Variants in AMZ1 observed in about 807,000 individuals in gnomAD.
AMZ1 encodes the protein archaelysin family metallopeptidase 1, also known as archaemetzincin-1.
Under a neutral mutation model 29.9 loss-of-function variants are expected in AMZ1, and 39 were observed. The observed-to-expected ratio is 1.30, with a 90% CI of 1.01 to 1.70. The LOEUF (loss-of-function observed/expected upper bound fraction) is 1.70. Ranked by LOEUF, AMZ1 falls within the 40% of genes most tolerant of loss-of-function variation. The pLI, the probability that AMZ1 is intolerant of heterozygous loss-of-function variation, is 0.00. For missense variants in AMZ1, 1,041 were observed against 680.6 expected, an observed-to-expected ratio of 1.53 and a Z score of -5.89; for synonymous variants, 458 against 304.0, an observed-to-expected ratio of 1.51 and a Z score of -5.27.
At chr7:2,762,911 G>A (rs1048272620), upstream of AMZ1, 10 of 1,415,768 alleles carry the variant, frequency 7.1e-6, no homozygotes, top group Admixed American at 9.3e-5. Flanking sequence ...GGGGAGAAGA[G>A]GCCACAGGCG....
intron 4 of AMZ1, among the ~76,000 whole-genome samples, chr7:2,755,331 G>T (rs1002897199): frequency 1.3e-5 from 2 of 152,214 alleles, no homozygotes; most frequent in African/African-American, 4.8e-5. Flanking sequence ...TGTCAAATCT[G>T]TGTATCAATC....
intron 1 of AMZ1, among the ~76,000 whole-genome samples, chr7:2,695,060 GT>G (rs1787626251): frequency 6.6e-6 from 1 of 152,166 alleles, no homozygotes; most frequent in Admixed American, 6.6e-5. Flanking sequence ...ACCACTGATC[GT>G]GCATCTCAGC....
rs1241009991 is a variant in AMZ1, at chr7:2,709,734, T to G, written c.866T>G (p.Leu289Arg). 3.1e-6 allele frequency: 5 copies of G among 1,611,448 alleles called. 1 individual carries two copies. In the Middle Eastern group the frequency reaches 6.2e-4, roughly 199 times the overall value. Residue 289 changes from leucine (L) to arginine (R), a missense_variant, in exon 6 of 7, where the codon CTG (leucine) becomes CGG (arginine). Physicochemically the swap from Leu to Arg is moderately radical, Grantham distance 102. Transcript: ENST00000683327. ...GGTGCGCTCAGCCTGGACGAGGCCC[T>G]GCGGCGGCCCCTGGACCTCTGTCCC... Reference protein sequence around the residue: ...MQGALSLDEALRRPLDLCPIC... With the variant: ...MQGALSLDEARRRPLDLCPIC...
At chr7:2,725,488 C>T (rs1789580774) in intron 4 of AMZ1, among the ~76,000 whole-genome samples, 1 of 152,208 alleles carries the variant, frequency 6.6e-6, no homozygotes, top group African/African-American at 2.4e-5. Context: ...CCGCAAATAA[C>T]CTGCCTCCAA....
In AMZ1 at chr7:2,702,568, A is replaced by G. The variant is rs944283543; in HGVS notation, c.305-154A>G. ...CCCTTTTGAAAAAGTCATGCTTTCC[A>G]TCCCTTTTCTAAGCCTGACGCTCTG... On this transcript the variant is annotated intron_variant, in intron 2 of 6. Coordinates refer to ENST00000683327, the MANE Select transcript of AMZ1 (RefSeq NM_001384743.1). 4.9e-6 allele frequency: 4 copies of G among 820,738 alleles called. No individual in the cohort carries two copies. In the Admixed American group the frequency reaches 1.2e-4, roughly 25 times the overall value. The allele number at this position is 820,738 out of a possible 1,614,324, so 50.8% of individuals were successfully genotyped here.
chr7:2,737,273 TG>T (rs370284768), intron 4 of AMZ1, among the ~76,000 whole-genome samples: 5,943 of 85,632 alleles, frequency 0.069, 403 homozygotes, highest in African/African-American at 0.14. Context: ...AGTTTTGTTT[TG>T]TTTTTTTTTT....
chr7:2,708,732 A>T lies in AMZ1; in HGVS notation c.601+16A>T, dbSNP rs1187022504. 1.2e-6 allele frequency: 2 copies of T among 1,611,890 alleles called. No individual in the cohort carries two copies. Among genetic ancestry groups the T allele is most frequent in the Non-Finnish European group, 1.7e-6 (2 of 1,179,954 alleles). ...CCAGGGCACGGTGAGCCGGGGCCCC[A>T]GCAGCTGTGCGTGGGGGGTAGCCTG... On this transcript the variant is annotated intron_variant, in intron 4 of 6. Transcript: ENST00000683327.
intron 4 of AMZ1, among the ~76,000 whole-genome samples, chr7:2,753,144 C>T (rs184701431): frequency 1.3e-5 from 2 of 150,462 alleles, no homozygotes; most frequent in Admixed American, 6.7e-5. Context: ...TGAAACCATA[C>T]AGCATGCGGC....
intron 1 of AMZ1, among the ~76,000 whole-genome samples, chr7:2,699,594 A>G (rs940273484): frequency 6.6e-6 from 1 of 150,720 alleles, no homozygotes; most frequent in Admixed American, 6.6e-5. Flanking sequence ...TGTAATTGGG[A>G]TGAAGAGCTG....
At position 2,731,243 on chromosome 7, in the gene AMZ1, C is replaced by A; in HGVS notation, n.550+21427C>A. The A allele has an allele frequency of 6.2e-7, 1 of 1,613,652 alleles. No homozygotes were observed. Among genetic ancestry groups the A allele is most frequent in the Non-Finnish European group, 8.5e-7 (1 of 1,179,890 alleles). On this transcript the variant is annotated intron_variant and non_coding_transcript_variant, in intron 4 of 4. Transcript: ENST00000489665. This position sits in a 1 kb window ranked among gnomAD's most constrained non-coding sequence, Gnocchi z 6.0. ...ATGGTGTCTTTCACAGCATGGAACA[C>A]GAAGCGGACGTTCTCGGTGTCGATG...
At chr7:2,738,262 A>G (rs758619842) in intron 4 of AMZ1, among the ~76,000 whole-genome samples, 2 of 151,188 alleles carry the variant, frequency 1.3e-5, no homozygotes, top group Admixed American at 6.6e-5. Flanking sequence ...TAAAAATACA[A>G]AAACAGAGTG....
At chr7:2,683,913 C>G (rs1156703920), upstream of AMZ1, among the ~76,000 whole-genome samples, 3 of 151,682 alleles carry the variant, frequency 2.0e-5, no homozygotes, top group South Asian at 2.1e-4. Context: ...TGTAGTGGCT[C>G]ATGCCTATAA....
At position 2,726,924 on chromosome 7, in the gene AMZ1, G is replaced by A. The variant is rs968837901; in HGVS notation, n.550+17108G>A. Among the ~76,000 whole-genome samples, 8 of 152,122 alleles carry A rather than the reference G, an allele frequency of 5.3e-5. No individual in the cohort carries two copies. In the South Asian group the frequency reaches 6.2e-4, roughly 12 times the overall value. ...TCCACCTGCCATCCCCATGGGCACCGCTGGTCTCCAGAGCACGTCAAGGTC... is the reference window on the plus strand; with the variant it reads ...TCCACCTGCCATCCCCATGGGCACCACTGGTCTCCAGAGCACGTCAAGGTC... On this transcript the variant is annotated intron_variant and non_coding_transcript_variant, in intron 4 of 4. Transcript: ENST00000489665.
chr7:2,762,617 A>T, upstream of AMZ1: 1 of 1,551,356 alleles, frequency 6.4e-7, no homozygotes, highest in South Asian at 1.2e-5. Context: ...CCCCTTCCGG[A>T]TAAGACCCCA....
intron 4 of AMZ1, among the ~76,000 whole-genome samples, chr7:2,740,012 C>G (rs1413319238): frequency 6.6e-6 from 1 of 152,146 alleles, no homozygotes; most frequent in Non-Finnish European, 1.5e-5. Flanking sequence ...TGAAGACCAC[C>G]AAGCTGTTCT....
chr7:2,734,693 G>A (rs1294323371), intron 4 of AMZ1, among the ~76,000 whole-genome samples: 3 of 152,212 alleles, frequency 2.0e-5, no homozygotes, highest in African/African-American at 7.2e-5. Context: ...ACTTTAGAAC[G>A]AAGGCCTCTG....
intron 1 of AMZ1, among the ~76,000 whole-genome samples, chr7:2,693,302 G>T (rs1263370557): frequency 2.6e-5 from 4 of 152,022 alleles, no homozygotes; most frequent in Non-Finnish European, 4.4e-5. Context: ...TGGTCAGGCT[G>T]GTCTTGAACT....
chr7:2,720,548 C>T (rs913338746), downstream of AMZ1, among the ~76,000 whole-genome samples: 3 of 151,830 alleles, frequency 2.0e-5, no homozygotes, highest in Admixed American at 6.6e-5. Flanking sequence ...GGACTACAGG[C>T]GCCTGCCACC....
rs1789036741 is a variant in AMZ1, at chr7:2,715,010, G to GGAGGTAACTGTGCCAGAATAAA, written c.*2137_*2158dup. 6.6e-6 allele frequency: 1 copy of GGAGGTAACTGTGCCAGAATAAA among 152,310 alleles called. No homozygotes were observed. Among genetic ancestry groups the GGAGGTAACTGTGCCAGAATAAA allele is most frequent in the African/African-American group, 2.4e-5 (1 of 41,426 alleles). 9.4% of individuals were successfully genotyped at this position (152,310 alleles called of 1,614,324 possible). On this transcript the variant is annotated 3_prime_UTR_variant, in exon 7 of 7. Coordinates refer to ENST00000683327, the MANE Select transcript of AMZ1 (RefSeq NM_001384743.1). The stretch of plus-strand genomic sequence containing the variant: ...TTCTAAAGGGCATGACAGTGACCTG[G>GGAGGTAACTGTGCCAGAATAAA]GAGGTAACTGTGCCAGAATAAAGAG...
Sources: gnomAD v4.1 joint callset for allele counts (sites outside exome capture counted in the v4.1 genomes callset) on GRCh38, gnomAD v4.1.1 for gene constraint, Gnocchi (gnomAD v3.1) non-coding constraint, MANE v1.5 for transcripts, NCBI Gene and HGNC (gene_info 2026-07-23, HGNC 2026-07-21) for gene names.